The following TXNL4A variants were observed in gnomAD, a reference collection of about 807,000 sequenced individuals.
TXNL4A encodes the protein thioredoxin like 4A.
In TXNL4A, 17 loss-of-function variants were observed where a neutral mutation model predicts 14.6. That is an observed-to-expected ratio of 1.16 (90% CI 0.80 to 1.74). TXNL4A has a LOEUF of 1.74. TXNL4A is among the 40% of genes most tolerant of loss of function. The pLI is 0.00. For synonymous variants in TXNL4A, 83 were observed against 70.6 expected (o/e 1.18, Z -0.88); for missense variants, 74 against 195.2 (o/e 0.38, Z 3.70).
intron 1 of TXNL4A, among the ~76,000 whole-genome samples, chr18:79,980,443 G>GA (rs2051445681): frequency 1.3e-5 from 2 of 152,140 alleles, no homozygotes; most frequent in African/African-American, 4.8e-5. Context: ...GGATTTCCAT[G>GA]AAACACACAG....
intron 1 of TXNL4A, among the ~76,000 whole-genome samples, chr18:79,984,231 T>C (rs1478706758): frequency 2.0e-5 from 3 of 152,226 alleles, no homozygotes; most frequent in Non-Finnish European, 4.4e-5. Context: ...ATACTTAAGA[T>C]ACACCCCTTA....
At chr18:79,988,782 CCCCGGGCTCGCCGTG>C (rs2051600011), upstream of TXNL4A, among the ~76,000 whole-genome samples, 2 of 151,720 alleles carry the variant, frequency 1.3e-5, no homozygotes, top group African/African-American at 4.8e-5. Flanking sequence ...TCCTGAGAAG[CCCCGGGCTCGCCGTG>C]CCCTGCCCCC....
chr18:79,973,960 C>T (rs2051340189), intron 2 of TXNL4A, 104 bp from the exon 3 acceptor site: 1 of 1,496,420 alleles, frequency 6.7e-7, no homozygotes, highest in Non-Finnish European at 9.0e-7. Context: ...CTCTTGTTAA[C>T]ATCACTGAAG....
chr18:80,026,307 A>G (rs2051884141), intron 1 of TXNL4A, among the ~76,000 whole-genome samples: 1 of 152,246 alleles, frequency 6.6e-6, no homozygotes, highest in African/African-American at 2.4e-5. Flanking sequence ...CAGGTTTTTA[A>G]GTTCTCTAGG....
Position 80,030,764 on chromosome 18 carries a change from C to T in TXNL4A, c.-61+3087G>A, listed in dbSNP as rs2051915808. Among the ~76,000 whole-genome samples the T allele has an allele frequency of 1.3e-5, 2 of 152,252 alleles. 1 individual carries two copies. Among genetic ancestry groups the T allele is most frequent in the South Asian group, 4.1e-4 (2 of 4,824 alleles). ...GTGGATCATTTGAGATCAGGAGTTT[C>T]AGACCAGGCCTGGTCAACATGGTGA... On this transcript the variant is annotated intron_variant, in intron 1 of 2. Transcript: ENST00000585474.
chr18:80,028,298 C>G (rs1568383648), intron 1 of TXNL4A, among the ~76,000 whole-genome samples: 2 of 149,408 alleles, frequency 1.3e-5, no homozygotes, highest in African/African-American at 5.0e-5. Flanking sequence ...GGGTTCCCCC[C>G]TTACCATTTC....
rs2051305240 is a variant in TXNL4A at position 79,971,816 on chromosome 18, A to T, written c.*1869T>A. ...TTTGCACCTTCCTTAACAAGCAGTGATGCTGAGTGTCTCTTCGTGTGCTTC... is the reference window on the plus strand; with the variant it reads ...TTTGCACCTTCCTTAACAAGCAGTGTTGCTGAGTGTCTCTTCGTGTGCTTC... On this transcript the variant is annotated 3_prime_UTR_variant, in exon 3 of 3. Transcript: ENST00000269601. 1.3e-5 allele frequency: 2 copies of T among 152,166 alleles called. No homozygotes were observed. The highest frequency in any genetic ancestry group is 1.3e-4 in the Admixed American group (2 of 15,270). 9.4% of individuals were successfully genotyped at this position (152,166 alleles called of 1,614,324 possible).
intron 1 of TXNL4A, among the ~76,000 whole-genome samples, chr18:80,024,745 G>C (rs1401396461): frequency 6.6e-6 from 1 of 152,152 alleles, no homozygotes; most frequent in Non-Finnish European, 1.5e-5. Flanking sequence ...GTGCATATAA[G>C]GAACCGACCC....
chr18:80,022,321 C>T (rs1307423163), intron 1 of TXNL4A, among the ~76,000 whole-genome samples: 1 of 152,100 alleles, frequency 6.6e-6, no homozygotes, highest in African/African-American at 2.4e-5. Flanking sequence ...TTTTTCTTGA[C>T]TCTGGGGAAC....
intron 1 of TXNL4A, among the ~76,000 whole-genome samples, chr18:80,010,658 TCCC>T (rs1275658378): frequency 6.6e-6 from 1 of 152,216 alleles, no homozygotes; most frequent in Non-Finnish European, 1.5e-5. Flanking sequence ...CCAGCCTTGT[TCCC>T]TTATTTGAGT....
chr18:80,023,901 A>G (rs2051866534), intron 1 of TXNL4A, among the ~76,000 whole-genome samples: 1 of 152,210 alleles, frequency 6.6e-6, no homozygotes, highest in Non-Finnish European at 1.5e-5. Flanking sequence ...GAAGAAAAGC[A>G]TAGGCCTGTC....
chr18:79,991,107 C>CA (rs34442066), upstream of TXNL4A, among the ~76,000 whole-genome samples: 5,002 of 91,446 alleles, frequency 0.055, 259 homozygotes, highest in African/African-American at 0.13. Context: ...GACTCCGTCT[C>CA]AAAAAAAAAA....
At chr18:79,999,573 A>G (rs1266215412) in intron 1 of TXNL4A, among the ~76,000 whole-genome samples, 1 of 151,936 alleles carries the variant, frequency 6.6e-6, no homozygotes, top group African/African-American at 2.4e-5. Flanking sequence ...TCTAAAACCA[A>G]AATAGTTCAC....
chr18:80,010,656 G>C (rs1438473845), intron 1 of TXNL4A, among the ~76,000 whole-genome samples: 1 of 152,218 alleles, frequency 6.6e-6, no homozygotes, highest in Non-Finnish European at 1.5e-5. Flanking sequence ...GCCCAGCCTT[G>C]TTCCCTTATT....
chr18:80,004,268 C>T (rs1012078257), intron 1 of TXNL4A, among the ~76,000 whole-genome samples: 3 of 152,172 alleles, frequency 2.0e-5, no homozygotes, highest in Admixed American at 6.5e-5. Flanking sequence ...GATGTGCCTG[C>T]CCTGAGGGCA....
At chr18:79,977,297 T>A in intron 2 of TXNL4A, 1 of 463,106 alleles carries the variant, frequency 2.2e-6, no homozygotes, top group Non-Finnish European at 3.8e-6. Flanking sequence ...ATGAACAGAT[T>A]ATAGTTCCAG....
chr18:80,017,387 T>A (rs1158901470), intron 1 of TXNL4A, among the ~76,000 whole-genome samples: 1 of 151,558 alleles, frequency 6.6e-6, no homozygotes, highest in Non-Finnish European at 1.5e-5. Context: ...TGGCCAGAAC[T>A]TCCAACACTA....
At chr18:79,977,835 G>T in intron 1 of TXNL4A, 134 bp from the exon 2 acceptor site, 1 of 636,528 alleles carries the variant, frequency 1.6e-6, no homozygotes, top group South Asian at 2.0e-5. Context: ...TTTGAGACAG[G>T]GTCTCACTCT....
At position 79,988,504 on chromosome 18, in the gene TXNL4A, G is replaced by T; in HGVS notation, c.-112C>A. 8.5e-7 allele frequency: 1 copy of T among 1,175,362 alleles called. No homozygotes were observed. The allele number at this position is 1,175,362 out of a possible 1,614,324, so 72.8% of individuals were successfully genotyped here. On this transcript the variant is annotated 5_prime_UTR_variant, in exon 1 of 3. Coordinates refer to ENST00000269601, the MANE Select transcript of TXNL4A (RefSeq NM_006701.5). The stretch of plus-strand genomic sequence containing the variant: ...CCCCGCCGCCCCCGGGCCCACGGAC[G>T]AAATCCGGTCCCGCCCGCACACGCA...
Sources: gnomAD v4.1 joint callset for allele counts (sites outside exome capture counted in the v4.1 genomes callset) on GRCh38, gnomAD v4.1.1 for gene constraint, MANE v1.5 for transcripts, NCBI Gene and HGNC (gene_info 2026-07-23, HGNC 2026-07-21) for gene names.